The following DLG2 variants were observed in gnomAD, a reference collection of about 807,000 sequenced individuals.
DLG2 encodes the protein disks large homolog 2.
DLG2 carries 45 observed loss-of-function variants against 132.5 expected under a neutral mutation model. That is an observed-to-expected ratio of 0.34 (90% CI 0.27 to 0.44). DLG2 has a LOEUF of 0.44. DLG2 is among the 20% of genes least tolerant of loss of function. DLG2 has a pLI of 1.00. For synonymous variants in DLG2, 424 were observed against 419.6 expected, an observed-to-expected ratio of 1.01 and a Z score of -0.13; for missense variants, 1,045 against 1,196.9, an observed-to-expected ratio of 0.87 and a Z score of 1.87.
At chr11:85,410,245 T>C (rs907823639) in intron 3 of DLG2, among the ~76,000 whole-genome samples, 2 of 151,850 alleles carry the variant, frequency 1.3e-5, no homozygotes, top group Non-Finnish European at 2.9e-5. Flanking sequence ...ATATTACAGA[T>C]ACACTGCATT....
At chr11:84,587,830 A>T (rs891689550) in intron 6 of DLG2, among the ~76,000 whole-genome samples, 4 of 152,150 alleles carry the variant, frequency 2.6e-5, no homozygotes, top group Admixed American at 2.6e-4. Context: ...TACTGGTTTT[A>T]AAAAAATAAT....
chr11:85,377,803 A>ATATATATGTGTG (rs35141583), intron 3 of DLG2, among the ~76,000 whole-genome samples: 4 of 131,292 alleles, frequency 3.0e-5, no homozygotes, highest in Middle Eastern at 3.6e-3. Flanking sequence ...ATATATATAT[A>ATATATATGTGTG]TGTGTGTGTG....
chr11:84,991,531 G>C (rs199689199), intron 6 of DLG2, among the ~76,000 whole-genome samples: 1 of 145,066 alleles, frequency 6.9e-6, no homozygotes, highest in Admixed American at 6.9e-5. Context: ...AAAAAAGAAA[G>C]AAAGAAAGGA....
chr11:84,465,537 G>T (rs1010682898), intron 7 of DLG2, among the ~76,000 whole-genome samples: 2 of 151,086 alleles, frequency 1.3e-5, no homozygotes, highest in Non-Finnish European at 1.5e-5. Context: ...GCTTAAATCA[G>T]TTTAAAGTTT....
At chr11:84,122,779 T>C (rs1022478560) in intron 9 of DLG2, among the ~76,000 whole-genome samples, 1 of 152,168 alleles carries the variant, frequency 6.6e-6, no homozygotes, top group Non-Finnish European at 1.5e-5. Context: ...CTTGAAGGTT[T>C]TTTATAATCT....
chr11:84,239,440 C>T (rs2097199054), intron 8 of DLG2, among the ~76,000 whole-genome samples: 1 of 152,154 alleles, frequency 6.6e-6, no homozygotes, highest in African/African-American at 2.4e-5. Flanking sequence ...CCTCGGCCTC[C>T]CAAAGTGCTG....
intron 7 of DLG2, among the ~76,000 whole-genome samples, chr11:84,438,336 G>A (rs2154476240): frequency 6.6e-6 from 1 of 152,292 alleles, no homozygotes; most frequent in South Asian, 2.1e-4. Flanking sequence ...CGTAGTTTTA[G>A]AAGTCATTAG....
At chr11:85,353,665 A>C (rs1400492992) in intron 3 of DLG2, among the ~76,000 whole-genome samples, 1 of 152,224 alleles carries the variant, frequency 6.6e-6, no homozygotes, top group East Asian at 1.9e-4. Context: ...GCTATAAAGA[A>C]GGATGAGTTC....
chr11:83,776,499 C>T (rs1194635718), intron 18 of DLG2, among the ~76,000 whole-genome samples: 1 of 152,214 alleles, frequency 6.6e-6, no homozygotes, highest in African/African-American at 2.4e-5. Context: ...CTCTTCGGTG[C>T]TTTCTGGCCT....
chr11:85,414,228 T>G (rs1267728920), intron 3 of DLG2, among the ~76,000 whole-genome samples: 1 of 152,094 alleles, frequency 6.6e-6, no homozygotes. Context: ...AAAGAGCTAC[T>G]GATTTGTGTA....
At chr11:84,745,931 G>T (rs1418020640) in intron 6 of DLG2, among the ~76,000 whole-genome samples, 2 of 152,130 alleles carry the variant, frequency 1.3e-5, no homozygotes, top group Non-Finnish European at 2.9e-5. Flanking sequence ...TTAGCTATCT[G>T]CAAACCTTAG....
At chr11:84,310,241 G>A (rs2098273148) in intron 7 of DLG2, among the ~76,000 whole-genome samples, 1 of 152,164 alleles carries the variant, frequency 6.6e-6, no homozygotes, top group Non-Finnish European at 1.5e-5. Context: ...GCAAGACGCG[G>A]TGGAGAGAAT....
chr11:84,464,791 C>T (rs1294980194), intron 7 of DLG2, among the ~76,000 whole-genome samples: 3 of 151,022 alleles, frequency 2.0e-5, no homozygotes, highest in African/African-American at 7.3e-5. Context: ...AAAATGTACA[C>T]ATGTATATAG....
At chr11:83,941,656 A>G (rs1253717218) in intron 14 of DLG2, among the ~76,000 whole-genome samples, 2 of 152,198 alleles carry the variant, frequency 1.3e-5, no homozygotes, top group African/African-American at 2.4e-5. Flanking sequence ...AGCCTCCCCA[A>G]GTGATGGGAT....
chr11:84,208,581 C>T (rs181341946), intron 8 of DLG2, among the ~76,000 whole-genome samples: 2 of 152,142 alleles, frequency 1.3e-5, no homozygotes, highest in Non-Finnish European at 2.9e-5. Flanking sequence ...TGAACTCAGG[C>T]AATCTGCCCA....
At chr11:85,305,939 G>A (rs17810490) in intron 3 of DLG2, among the ~76,000 whole-genome samples, 7,204 of 152,090 alleles carry the variant, frequency 0.047, 229 homozygotes, top group East Asian at 0.096. Context: ...ATATGTTCCC[G>A]GATCACAAGT....
chr11:85,015,154 A>T (rs1473383834), intron 6 of DLG2, among the ~76,000 whole-genome samples: 1 of 152,180 alleles, frequency 6.6e-6, no homozygotes, highest in Non-Finnish European at 1.5e-5. Context: ...ATTGTGTGCA[A>T]TTGATGTGGC....
intron 6 of DLG2, among the ~76,000 whole-genome samples, chr11:84,716,708 A>AG (rs2061275873): frequency 8.5e-6 from 1 of 117,284 alleles, no homozygotes; most frequent in Non-Finnish European, 2.0e-5. Context: ...GGACAGGGGC[A>AG]AAAAAAAAAA....
chr11:85,460,431 G>T (rs1382060713), intron 3 of DLG2, among the ~76,000 whole-genome samples: 2 of 152,124 alleles, frequency 1.3e-5, no homozygotes, highest in Non-Finnish European at 2.9e-5. Flanking sequence ...GGGTCCCTGG[G>T]GACTCTCACT....
Sources: gnomAD v4.1 joint callset for allele counts (sites outside exome capture counted in the v4.1 genomes callset) on GRCh38, gnomAD v4.1.1 for gene constraint, MANE v1.5 for transcripts, NCBI Gene and HGNC (gene_info 2026-07-23, HGNC 2026-07-21) for gene names.